The following EARS2 variants were observed in gnomAD, a reference collection of about 807,000 sequenced individuals.
The protein encoded by EARS2 is glutamyl-tRNA synthetase 2, mitochondrial, also known as nondiscriminating glutamyl-tRNA synthetase EARS2, mitochondrial.
Under a neutral mutation model 54.1 loss-of-function variants are expected in EARS2, and 50 were observed. That is an observed-to-expected ratio of 0.92 (90% CI 0.74 to 1.17). The LOEUF is 1.17. Among genes scored for constraint, EARS2 ranks in the 50% most tolerant of loss-of-function variants. The pLI, the probability that EARS2 is intolerant of heterozygous loss-of-function variation, is 0.00. For synonymous variants in EARS2, 298 were observed against 281.0 expected (o/e 1.06, Z -0.61); for missense variants, 673 against 675.0 (o/e 1.00, Z 0.03).
chr16:23,557,347 G>T lies in EARS2; in HGVS notation c.-4C>A. The T allele has an allele frequency of 6.5e-7, 1 of 1,542,504 alleles. No homozygotes were observed. The highest frequency in any genetic ancestry group is 8.7e-7 in the Non-Finnish European group (1 of 1,150,332). Reference sequence around the variant, plus strand: ...GTCTCCTCAGGAGCGCCGCCATGTGGGATGGAATAGCACACGTGGGCTTCT... The same window carrying T: ...GTCTCCTCAGGAGCGCCGCCATGTGTGATGGAATAGCACACGTGGGCTTCT... On this transcript the variant is annotated 5_prime_UTR_variant, in exon 1 of 9. Transcript: ENST00000449606.
Position 23,557,185 on chromosome 16 carries a change from G to A in EARS2, c.139+20C>T, listed in dbSNP as rs1014358592. The A allele has an allele frequency of 4.0e-6, 6 of 1,505,730 alleles. No individual in the cohort carries two copies. In the South Asian group the frequency reaches 5.3e-5, roughly 13 times the overall value. The allele number at this position is 1,505,730 out of a possible 1,614,324, so 93.3% of individuals were successfully genotyped here. On this transcript the variant is annotated intron_variant, in intron 1 of 8. Transcript: ENST00000449606. ...GGGACAGGGGGCCTCGGCCTGTAGCGTCACGTCCGCCAGGGTTACCTGTGG... is the reference window on the plus strand; with the variant it reads ...GGGACAGGGGGCCTCGGCCTGTAGCATCACGTCCGCCAGGGTTACCTGTGG...
chr16:23,540,689 G>C (rs1965497492), intron 3 of EARS2, among the ~76,000 whole-genome samples: 1 of 152,156 alleles, frequency 6.6e-6, no homozygotes, highest in Non-Finnish European at 1.5e-5. Flanking sequence ...AGTAGTCCTA[G>C]CACTTTGGGA....
At chr16:23,550,052 T>A (rs922911788) in intron 2 of EARS2, among the ~76,000 whole-genome samples, 2 of 152,156 alleles carry the variant, frequency 1.3e-5, no homozygotes, top group African/African-American at 4.8e-5. Context: ...TATTATCATT[T>A]AGTATCCTAT....
At chr16:23,528,117 C>T (rs555387815) in intron 7 of EARS2, among the ~76,000 whole-genome samples, 42 of 152,316 alleles carry the variant, frequency 2.8e-4, no homozygotes, top group African/African-American at 9.6e-4. Context: ...TCTCACCAGA[C>T]ACTGAATCGG....
intron 1 of EARS2, among the ~76,000 whole-genome samples, chr16:23,552,754 G>C (rs767528120): frequency 3.9e-5 from 6 of 152,146 alleles, no homozygotes; most frequent in African/African-American, 1.4e-4. Context: ...GGCCTCCCAA[G>C]TGCTGGGATC....
intron 7 of EARS2, 31 bp from the exon 8 acceptor site, chr16:23,525,410 G>A (rs775526894): frequency 6.9e-6 from 11 of 1,597,606 alleles, no homozygotes; most frequent in South Asian, 6.8e-5. Flanking sequence ...TACAGGGCCT[G>A]CATGGGCCAA....
At chr16:23,548,478 A>C (rs1965642397) in intron 2 of EARS2, among the ~76,000 whole-genome samples, 1 of 152,100 alleles carries the variant, frequency 6.6e-6, no homozygotes, top group African/African-American at 2.4e-5. Flanking sequence ...ACCGTTGTTC[A>C]TCACTGTATC....
rs201842633 is a variant in EARS2 at position 23,544,671 on chromosome 16, C to A, written c.328G>T (p.Gly110Cys). 1.9e-6 allele frequency: 3 copies of A among 1,607,912 alleles called. No homozygotes were observed. The highest frequency in any genetic ancestry group is 1.7e-6 in the Non-Finnish European group (2 of 1,178,140). Reference sequence around the variant, plus strand: ...GATTGCTGGTAGGGCCCAGCAGGACCGCCCCGGCGGGGGCTCTCATCAGGC... The same window carrying A: ...GATTGCTGGTAGGGCCCAGCAGGACAGCCCCGGCGGGGGCTCTCATCAGGC... ...IPPDESPRRGGPAGPYQQSQR... is the reference protein window; with the variant it reads ...IPPDESPRRGCPAGPYQQSQR... Residue 110 changes from glycine to cysteine, a missense_variant, in exon 3 of 9, where the codon GGT becomes TGT. Physicochemically the swap from Gly to Cys is radical, Grantham distance 159. Transcript: ENST00000449606.
chr16:23,529,306 C>T (rs1369856928), intron 7 of EARS2, among the ~76,000 whole-genome samples, 196 bp downstream of exon 7: 2 of 152,204 alleles, frequency 1.3e-5, no homozygotes, highest in African/African-American at 2.4e-5. Flanking sequence ...GCAGTGAACA[C>T]ATGCCTATGT....
chr16:23,542,349 G>A (rs1446043165), intron 3 of EARS2, among the ~76,000 whole-genome samples: 4 of 117,854 alleles, frequency 3.4e-5, no homozygotes, highest in East Asian at 5.1e-4. Flanking sequence ...AGACAGTGTC[G>A]CTCTATCGCC....
intron 3 of EARS2, chr16:23,537,633 T>C (rs1965442898): frequency 6.6e-6 from 1 of 152,146 alleles, no homozygotes; most frequent in Non-Finnish European, 1.5e-5. Context: ...AATGCAGTGG[T>C]GCAATCATGG....
rs1178714922 is a variant in EARS2 at position 23,552,424 on chromosome 16, T to C, written c.140-120A>G. On this transcript the variant is annotated intron_variant, in intron 1 of 8. Transcript: ENST00000449606. ...AAATTTAAAAGACCAGCAGGACACA[T>C]TGGCTCACGCCTGTAATCCTACCAC... 4.9e-5 allele frequency: 56 copies of C among 1,145,286 alleles called. 1 individual carries two copies. Among genetic ancestry groups the C allele is most frequent in the South Asian group, 4.7e-4 (32 of 67,904 alleles). The allele number at this position is 1,145,286 out of a possible 1,614,324, so 70.9% of individuals were successfully genotyped here.
chr16:23,544,202 G>A (rs943068903), intron 3 of EARS2, among the ~76,000 whole-genome samples: 7 of 152,136 alleles, frequency 4.6e-5, no homozygotes, highest in South Asian at 2.1e-4. Context: ...GGAGAGGCTC[G>A]CATGGCAAAG....
intron 2 of EARS2, 114 bp downstream of exon 2, chr16:23,552,035 A>G (rs1965704381): frequency 3.7e-6 from 5 of 1,353,364 alleles, no homozygotes; most frequent in Non-Finnish European, 5.1e-6. Context: ...AAATGTAGCC[A>G]CTTCTCCAGG....
intron 4 of EARS2, among the ~76,000 whole-genome samples, chr16:23,533,536 A>G (rs1001255810): frequency 1.2e-4 from 19 of 152,158 alleles, no homozygotes; most frequent in Admixed American, 1.2e-3. Context: ...AGCTATTTAT[A>G]TATCAAGAGC....
rs759857078 is a variant in EARS2 at position 23,525,338 on chromosome 16, A to G, written c.1394T>C (p.Leu465Pro). The G allele has an allele frequency of 1.4e-5, 22 of 1,613,892 alleles. No homozygotes were observed. The highest frequency in any genetic ancestry group is 1.9e-5 in the Non-Finnish European group (22 of 1,179,984). Reference sequence around the variant, plus strand: ...TGATAGCTTCTTCAGTTCTCCATTCAGCATATCCTGAGTTAAGCTCATACT... The same window carrying G: ...TGATAGCTTCTTCAGTTCTCCATTCGGCATATCCTGAGTTAAGCTCATACT... ...RSSMSLTQDMLNGELKKLSEG... is the reference protein window; with the variant it reads ...RSSMSLTQDMPNGELKKLSEG... Residue 465 changes from leucine to proline, a missense_variant, in exon 8 of 9, where the codon CTG becomes CCG. Physicochemically the swap from Leu to Pro is moderately conservative, Grantham distance 98. Coordinates refer to ENST00000449606, the MANE Select transcript of EARS2 (RefSeq NM_001083614.2).
chr16:23,523,957 T>C lies in EARS2; in HGVS notation c.*414A>G, dbSNP rs574836399. 3 of 159,008 alleles carry C rather than the reference T, an allele frequency of 1.9e-5. No individual in the cohort carries two copies. In the South Asian group the frequency reaches 5.4e-4, roughly 29 times the overall value. The allele number at this position is 159,008 out of a possible 1,614,324, so 9.8% of individuals were successfully genotyped here. The stretch of plus-strand genomic sequence containing the variant: ...GCCTGCTGACACCTTGATCTTGAAC[T>C]TCTAGCCTCCAAATGTGAGAAAATA... On this transcript the variant is annotated 3_prime_UTR_variant, in exon 9 of 9. Transcript: ENST00000449606.
At chr16:23,556,488 G>A (rs973421823) in intron 1 of EARS2, among the ~76,000 whole-genome samples, 1 of 152,198 alleles carries the variant, frequency 6.6e-6, no homozygotes, top group Non-Finnish European at 1.5e-5. Context: ...CCAAGTAGCT[G>A]GGATTACAGG....
At chr16:23,535,632 A>G (rs936666973) in intron 3 of EARS2, among the ~76,000 whole-genome samples, 3 of 152,146 alleles carry the variant, frequency 2.0e-5, no homozygotes, top group Non-Finnish European at 4.4e-5. Context: ...TTGAATCCTG[A>G]TTGGTATAGC....
Sources: allele counts gnomAD v4.1 joint callset (sites outside exome capture counted in the v4.1 genomes callset), GRCh38; gene constraint gnomAD v4.1.1; transcripts MANE v1.5; gene names NCBI Gene and HGNC (gene_info 2026-07-23, HGNC 2026-07-21).